The following VAT1L variants were observed in gnomAD, a reference collection of about 807,000 sequenced individuals.
VAT1L encodes vesicle amine transport 1 like.
VAT1L carries 34 observed loss-of-function variants against 44.1 expected under a neutral mutation model. That is an observed-to-expected ratio of 0.77 (90% CI 0.59 to 1.03). The LOEUF (loss-of-function observed/expected upper bound fraction) is 1.03. Ranked by LOEUF, VAT1L falls within the 50% of genes least tolerant of loss-of-function variation. VAT1L has a pLI of 0.00. For missense variants in VAT1L, 615 were observed against 538.8 expected (o/e 1.14, Z -1.40); for synonymous variants, 253 against 202.2 (o/e 1.25, Z -2.13).
chr16:77,865,895 C>T (rs2016969004), intron 4 of VAT1L, among the ~76,000 whole-genome samples: 1 of 152,176 alleles, frequency 6.6e-6, no homozygotes, highest in Non-Finnish European at 1.5e-5. Flanking sequence ...ATTTCCTCAG[C>T]ATCCTTCCCA....
chr16:77,907,506 T>C (rs1176441384), intron 7 of VAT1L, among the ~76,000 whole-genome samples: 2 of 152,182 alleles, frequency 1.3e-5, no homozygotes, highest in African/African-American at 4.8e-5. Context: ...CTTAGGTCCA[T>C]TGCTGTATAA....
Position 77,817,020 on chromosome 16 carries a change from A to C in VAT1L, c.333A>C (p.Glu111Asp). The C allele has an allele frequency of 6.2e-7, 1 of 1,614,040 alleles. No homozygotes were observed. Among genetic ancestry groups the C allele is most frequent in the Non-Finnish European group, 8.5e-7 (1 of 1,179,952 alleles). Residue 111 changes from glutamate (E) to aspartate (D), a missense_variant, in exon 2 of 9, where the codon GAA becomes GAC. By Grantham distance (45) the Glu-to-Asp change is conservative. Transcript: ENST00000302536. The part of the protein sequence containing the change: ...VPGFECSGIV[E>D]ALGDSVKGYE... ...GATTTGAGTGTTCTGGGATTGTTGA[A>C]GCTCTGGGGGACAGCGTGAAAGGAT...
chr16:77,881,505 T>C (rs942285261), intron 6 of VAT1L, among the ~76,000 whole-genome samples: 11 of 152,110 alleles, frequency 7.2e-5, no homozygotes, highest in Non-Finnish European at 1.6e-4. Flanking sequence ...TAAAACAAAG[T>C]GGTCAGTGAA....
intron 3 of VAT1L, among the ~76,000 whole-genome samples, chr16:77,861,553 A>G (rs2016914656): frequency 6.6e-6 from 1 of 152,258 alleles, no homozygotes; most frequent in Non-Finnish European, 1.5e-5. Flanking sequence ...ATTAGGATTT[A>G]TTATCTAAGT....
chr16:77,883,618 G>A (rs974380158), intron 6 of VAT1L, among the ~76,000 whole-genome samples: 3 of 152,054 alleles, frequency 2.0e-5, no homozygotes, highest in Non-Finnish European at 4.4e-5. Flanking sequence ...ACCACCTCCC[G>A]CTTCAGTCAT....
intron 2 of VAT1L, among the ~76,000 whole-genome samples, chr16:77,823,041 A>G (rs1567478194): frequency 1.3e-5 from 2 of 152,074 alleles, no homozygotes; most frequent in Non-Finnish European, 1.5e-5. Flanking sequence ...TTGTCTTTAT[A>G]CTATATCATC....
intron 7 of VAT1L, among the ~76,000 whole-genome samples, chr16:77,926,429 C>G (rs990357445): frequency 6.6e-6 from 1 of 150,666 alleles, no homozygotes; most frequent in Non-Finnish European, 1.5e-5. Flanking sequence ...ACTAAAAATA[C>G]AAAAGTTAGT....
chr16:77,924,744 C>A (rs2017647967), intron 7 of VAT1L, among the ~76,000 whole-genome samples: 2 of 152,296 alleles, frequency 1.3e-5, no homozygotes, highest in Admixed American at 6.5e-5. Context: ...CAGGCGTGAG[C>A]CACCACGCCT....
intron 1 of VAT1L, among the ~76,000 whole-genome samples, chr16:77,809,388 T>C (rs926696728): frequency 1.3e-5 from 2 of 152,200 alleles, no homozygotes; most frequent in East Asian, 3.9e-4. Flanking sequence ...TGTTAGCTTC[T>C]TGGGGATGCC....
At chr16:77,822,296 G>A (rs150863094) in intron 2 of VAT1L, among the ~76,000 whole-genome samples, 1,660 of 152,150 alleles carry the variant, frequency 0.011, 34 homozygotes, top group African/African-American at 0.037. Context: ...CACCACACCT[G>A]GCTAATTTTG....
intron 7 of VAT1L, among the ~76,000 whole-genome samples, chr16:77,891,554 A>C (rs1426972281): frequency 6.6e-6 from 1 of 152,208 alleles, no homozygotes; most frequent in Non-Finnish European, 1.5e-5. Flanking sequence ...GTCGCTGTCC[A>C]AATGCAGTCA....
intron 7 of VAT1L, among the ~76,000 whole-genome samples, chr16:77,945,188 A>G (rs886887821): frequency 1.3e-5 from 2 of 151,896 alleles, no homozygotes; most frequent in African/African-American, 4.8e-5. Context: ...CTGTTCTAGC[A>G]CATAGAAGAG....
At chr16:77,836,213 G>C (rs2016637339) in intron 3 of VAT1L, among the ~76,000 whole-genome samples, 1 of 151,992 alleles carries the variant, frequency 6.6e-6, no homozygotes, top group Non-Finnish European at 1.5e-5. Flanking sequence ...TAGAGAGCTA[G>C]GGACCCCCGA....
intron 4 of VAT1L, among the ~76,000 whole-genome samples, chr16:77,870,083 A>C (rs2017014991): frequency 6.6e-6 from 1 of 152,206 alleles, no homozygotes; most frequent in African/African-American, 2.4e-5. Flanking sequence ...GGGAACTACT[A>C]ATAGTAAACA....
chr16:77,975,162 T>C (rs2018322686), intron 8 of VAT1L, among the ~76,000 whole-genome samples: 1 of 140,322 alleles, frequency 7.1e-6, no homozygotes, highest in African/African-American at 2.6e-5. Context: ...CAGAGGCGCC[T>C]GCAGAGGTGC....
chr16:77,938,157 G>A (rs2017827111), intron 7 of VAT1L, among the ~76,000 whole-genome samples: 2 of 152,136 alleles, frequency 1.3e-5, no homozygotes, highest in South Asian at 4.1e-4. Context: ...TATTAGGGAT[G>A]GGCCCCAGAG....
chr16:77,920,980 A>C (rs183921096), intron 7 of VAT1L, among the ~76,000 whole-genome samples: 2 of 128,536 alleles, frequency 1.6e-5, no homozygotes, highest in African/African-American at 5.0e-5. Flanking sequence ...ACACACACAC[A>C]TACATACATA....
intron 7 of VAT1L, among the ~76,000 whole-genome samples, chr16:77,967,267 A>T (rs16946923): frequency 0.083 from 12,573 of 152,162 alleles, 570 homozygotes; most frequent in Middle Eastern, 0.11. Flanking sequence ...TATCTGTGAA[A>T]CTGTGGTGCT....
chr16:77,897,534 A>T (rs995213928), intron 7 of VAT1L, among the ~76,000 whole-genome samples: 13 of 152,160 alleles, frequency 8.5e-5, no homozygotes, highest in Admixed American at 2.0e-4. Flanking sequence ...GGAATGGTGC[A>T]ATCTCGGCTC....
Sources: gnomAD v4.1 joint callset for allele counts (sites outside exome capture counted in the v4.1 genomes callset) on GRCh38, gnomAD v4.1.1 for gene constraint, MANE v1.5 for transcripts, NCBI Gene and HGNC (gene_info 2026-07-23, HGNC 2026-07-21) for gene names.